Variants in CLVS1 observed in about 807,000 individuals in gnomAD.
The protein encoded by CLVS1 is clavesin-1.
A neutral mutation model predicts 33.1 loss-of-function variants in CLVS1; 10 were observed. The observed-to-expected ratio is 0.30, with a 90% CI of 0.19 to 0.51. The LOEUF is 0.51. Among genes scored for constraint, CLVS1 ranks in the 20% least tolerant of loss-of-function variants. The pLI, the probability that CLVS1 is intolerant of heterozygous loss-of-function variation, is 0.97. For missense variants in CLVS1, 343 were observed against 433.4 expected, an observed-to-expected ratio of 0.79 and a Z score of 1.85; for synonymous variants, 163 against 166.1, an observed-to-expected ratio of 0.98 and a Z score of 0.14.
chr8:61,489,931 T>C (rs1804011692), intron 5 of CLVS1, among the ~76,000 whole-genome samples: 1 of 152,162 alleles, frequency 6.6e-6, no homozygotes, highest in African/African-American at 2.4e-5. Flanking sequence ...AGCAATACAA[T>C]ACTTTAAAGA....
chr8:61,335,170 G>A (rs986519315), intron 2 of CLVS1, among the ~76,000 whole-genome samples: 11 of 152,198 alleles, frequency 7.2e-5, no homozygotes, highest in African/African-American at 2.4e-4. Context: ...ACTGATTTTA[G>A]AAGTAGTTTA....
intron 5 of CLVS1, among the ~76,000 whole-genome samples, chr8:61,477,294 C>T (rs1273783459): frequency 6.6e-6 from 1 of 152,086 alleles, no homozygotes; most frequent in Non-Finnish European, 1.5e-5. Context: ...GCTTTGGTAT[C>T]AGGATGATGT....
chr8:61,300,590 T>C, intron 2 of CLVS1: 1 of 229,172 alleles, frequency 4.4e-6, no homozygotes, highest in East Asian at 9.5e-5. Context: ...TTTGGTGTTC[T>C]CATCTTTAAT....
chr8:61,226,068 G>A (rs1808322056), intron 2 of CLVS1, among the ~76,000 whole-genome samples: 1 of 152,124 alleles, frequency 6.6e-6, no homozygotes, highest in Admixed American at 6.6e-5. Context: ...TTTTTAAGAA[G>A]AAAAAACAAA....
chr8:60,983,005 G>A, the CLVS1 span, among the ~76,000 whole-genome samples: 1 of 152,174 alleles, frequency 6.6e-6, no homozygotes, highest in Non-Finnish European at 1.5e-5. Context: ...CCAGGGCTAA[G>A]CAGAAAGACT....
intron 5 of CLVS1, among the ~76,000 whole-genome samples, chr8:61,478,216 T>C (rs1818031035): frequency 6.6e-6 from 1 of 152,176 alleles, no homozygotes; most frequent in Non-Finnish European, 1.5e-5. Context: ...TTACATTTGC[T>C]GAGGAGTGCT....
chr8:61,291,416 G>A (rs887555387), intron 1 of CLVS1, among the ~76,000 whole-genome samples: 60 of 152,040 alleles, frequency 3.9e-4, no homozygotes, highest in African/African-American at 1.3e-3. Flanking sequence ...TTCTATCTAT[G>A]CTCCTTAAAA....
At chr8:61,145,671 T>A (rs536325598) in intron 2 of CLVS1, among the ~76,000 whole-genome samples, 12 of 152,298 alleles carry the variant, frequency 7.9e-5, no homozygotes, top group Non-Finnish European at 1.2e-4. Context: ...AAGAAGACAT[T>A]TATGCAGTGT....
chr8:61,481,762 C>T (rs764019849), intron 5 of CLVS1, among the ~76,000 whole-genome samples: 27 of 152,252 alleles, frequency 1.8e-4, no homozygotes, highest in Non-Finnish European at 3.2e-4. Flanking sequence ...GTAGATTCCA[C>T]CTCTGGGGGC....
intron 3 of CLVS1, among the ~76,000 whole-genome samples, chr8:61,430,245 C>A (rs1450807435): frequency 6.6e-6 from 1 of 152,120 alleles, no homozygotes; most frequent in African/African-American, 2.4e-5. Flanking sequence ...TCATAGATTA[C>A]AGATGCATCG....
intron 2 of CLVS1, among the ~76,000 whole-genome samples, chr8:61,369,774 T>C (rs982507550): frequency 1.3e-5 from 2 of 152,198 alleles, no homozygotes; most frequent in African/African-American, 4.8e-5. Flanking sequence ...TCCACAGTGT[T>C]AAGCCCAATC....
the CLVS1 span, among the ~76,000 whole-genome samples, chr8:61,010,335 G>A: frequency 6.6e-6 from 1 of 152,222 alleles, no homozygotes; most frequent in African/African-American, 2.4e-5. Flanking sequence ...CATGAGTAAG[G>A]TTGATAGATA....
At chr8:61,212,205 A>T (rs1276250921) in intron 2 of CLVS1, among the ~76,000 whole-genome samples, 3 of 152,152 alleles carry the variant, frequency 2.0e-5, no homozygotes, top group African/African-American at 7.2e-5. Flanking sequence ...CTACTTGGGA[A>T]CCACCAGGGC....
intron 2 of CLVS1, among the ~76,000 whole-genome samples, chr8:61,230,561 G>T (rs1808411151): frequency 1.3e-5 from 2 of 152,188 alleles, no homozygotes; most frequent in South Asian, 2.1e-4. Flanking sequence ...CAAGTCTAAA[G>T]TGTATTGATC....
chr8:61,076,762 C>T (rs1804918979), intron 1 of CLVS1, among the ~76,000 whole-genome samples: 1 of 152,208 alleles, frequency 6.6e-6, no homozygotes, highest in South Asian at 2.1e-4. Context: ...AACGAGTCAT[C>T]TCTGCAGCTC....
chr8:61,349,285 T>C (rs1179384610), intron 2 of CLVS1, among the ~76,000 whole-genome samples: 1 of 152,144 alleles, frequency 6.6e-6, no homozygotes, highest in African/African-American at 2.4e-5. Context: ...AAAAAAATTA[T>C]TGCCCAGACT....
chr8:61,064,536 CATTTTTTTTTT>C (rs1325799959), intron 1 of CLVS1, among the ~76,000 whole-genome samples: 2 of 141,450 alleles, frequency 1.4e-5, no homozygotes, highest in East Asian at 2.1e-4. Context: ...GTTCTTTGCC[CATTTTTTTTTT>C]TTTTTTTTTT....
chr8:61,476,705 G>A (rs1306457953), intron 5 of CLVS1, among the ~76,000 whole-genome samples: 4 of 152,296 alleles, frequency 2.6e-5, no homozygotes, highest in Non-Finnish European at 4.4e-5. Flanking sequence ...GGGCTGAGAC[G>A]ATGGGGTTTT....
chr8:61,171,491 C>A (rs1306579918), intron 2 of CLVS1, among the ~76,000 whole-genome samples: 1 of 152,090 alleles, frequency 6.6e-6, no homozygotes, highest in East Asian at 1.9e-4. Context: ...ACTTTGGAAA[C>A]CTGGTCATTT....
Sources: gnomAD v4.1 joint callset for allele counts (sites outside exome capture counted in the v4.1 genomes callset) on GRCh38, gnomAD v4.1.1 for gene constraint, MANE v1.5 for transcripts, NCBI Gene and HGNC (gene_info 2026-07-23, HGNC 2026-07-21) for gene names.